Variants in PPP1R12B observed in about 807,000 individuals in gnomAD.
PPP1R12B encodes myosin phosphatase target subunit 2.
Under a neutral mutation model 126.1 loss-of-function variants are expected in PPP1R12B, and 76 were observed. That is an observed-to-expected ratio of 0.60 (90% CI 0.50 to 0.73). The LOEUF is 0.73. Among genes scored for constraint, PPP1R12B ranks in the 30% least tolerant of loss-of-function variants. The probability of loss-of-function intolerance (pLI) is 0.00; values close to 1 mark genes in which losing one functional copy is unlikely to be tolerated. For missense variants in PPP1R12B, 1,052 were observed against 1,205.1 expected, an observed-to-expected ratio of 0.87 and a Z score of 1.88; for synonymous variants, 356 against 434.7, an observed-to-expected ratio of 0.82 and a Z score of 2.25.
Position 202,558,671 on chromosome 1 carries a change from A to G in PPP1R12B, c.2491-206A>G, listed in dbSNP as rs1687204562. ...CAAATCTAGTGAATCATGGCATGCA[A>G]AGAAGTGTGAACTAGGGCTAAGTCA... On this transcript the variant is annotated intron_variant, in intron 18 of 23. Transcript: ENST00000608999. 9.9e-6 allele frequency: 5 copies of G among 505,446 alleles called. No homozygotes were observed. The South Asian group carries it at 1.5e-4, about 15-fold the overall frequency. The allele number at this position is 505,446 out of a possible 1,614,324, so 31.3% of individuals were successfully genotyped here.
chr1:202,411,744 A>G (rs1667425349), intron 1 of PPP1R12B, among the ~76,000 whole-genome samples: 1 of 152,178 alleles, frequency 6.6e-6, no homozygotes, highest in African/African-American at 2.4e-5. Flanking sequence ...ATGAGTACAT[A>G]TGCTTATAGT....
intron 19 of PPP1R12B, among the ~76,000 whole-genome samples, chr1:202,561,017 A>G (rs1687467277): frequency 6.6e-6 from 1 of 151,686 alleles, no homozygotes; most frequent in Non-Finnish European, 1.5e-5. Flanking sequence ...TATAATAATA[A>G]AAAAATAAAA....
intron 18 of PPP1R12B, among the ~76,000 whole-genome samples, chr1:202,555,846 C>T (rs971499660): frequency 1.3e-5 from 2 of 151,710 alleles, no homozygotes; most frequent in African/African-American, 4.8e-5. Context: ...TAACTTGGTA[C>T]TCTAACCAGC....
chr1:202,414,189 T>C (rs1667773954), intron 1 of PPP1R12B, among the ~76,000 whole-genome samples: 1 of 152,248 alleles, frequency 6.6e-6, no homozygotes, highest in Non-Finnish European at 1.5e-5. Context: ...CCCAAAGTGC[T>C]GGGATTACAG....
Position 202,496,678 on chromosome 1 carries a change from T to C in PPP1R12B, c.2449-103T>C, listed in dbSNP as rs1679591770. The C allele has an allele frequency of 4.1e-6, 4 of 984,568 alleles. No individual in the cohort carries two copies. In the African/African-American group the frequency reaches 4.9e-5, roughly 12 times the overall value. 61.0% of individuals were successfully genotyped at this position (984,568 alleles called of 1,614,324 possible). On this transcript the variant is annotated intron_variant, in intron 17 of 23. Transcript: ENST00000608999. ...CTTGGAAGTCAATTCTCATTGCCCA[T>C]GTTTGAAATGCCAAGATGCATAATT...
At chr1:202,549,532 G>A (rs1248786505) in intron 18 of PPP1R12B, among the ~76,000 whole-genome samples, 1 of 149,944 alleles carries the variant, frequency 6.7e-6, no homozygotes, top group Non-Finnish European at 1.5e-5. Context: ...CCATTCTCCT[G>A]CCTCAGCCTC....
Position 202,433,941 on chromosome 1 carries a change from T to C in PPP1R12B, c.1142-715T>C, listed in dbSNP as rs980687914. Among the ~76,000 whole-genome samples, 14 of 152,222 alleles carry C rather than the reference T, an allele frequency of 9.2e-5. No homozygotes were observed. The South Asian group carries it at 2.7e-3, about 29-fold the overall frequency. Reference sequence around the variant, plus strand: ...GGTACATAACAGGCATTCACATTCATTAAATGTTTTTTGTTGAATATATCC... The same window carrying C: ...GGTACATAACAGGCATTCACATTCACTAAATGTTTTTTGTTGAATATATCC... On this transcript the variant is annotated intron_variant, in intron 8 of 23. Coordinates refer to ENST00000608999, the MANE Select transcript of PPP1R12B (RefSeq NM_002481.4).
chr1:202,448,868 ACAAAAT>A (rs1308860533), intron 12 of PPP1R12B, 115 bp from the exon 13 acceptor site: 14 of 1,094,964 alleles, frequency 1.3e-5, no homozygotes, highest in Non-Finnish European at 1.8e-5. Flanking sequence ...AAACCAACAA[ACAAAAT>A]CAGAGCGAGA....
intron 1 of PPP1R12B, among the ~76,000 whole-genome samples, chr1:202,389,658 G>A (rs560548491): frequency 2.6e-5 from 4 of 152,022 alleles, no homozygotes; most frequent in South Asian, 4.2e-4. Context: ...CACATGGAAG[G>A]CCGGGCGAGG....
At chr1:202,475,162 T>C (rs749141024) in intron 13 of PPP1R12B, among the ~76,000 whole-genome samples, 1 of 152,194 alleles carries the variant, frequency 6.6e-6, no homozygotes, top group African/African-American at 2.4e-5. Context: ...TTCTTTCTAT[T>C]GTACCATAGT....
chr1:202,372,102 C>G (rs891535385), intron 1 of PPP1R12B, among the ~76,000 whole-genome samples: 185 of 152,160 alleles, frequency 1.2e-3, no homozygotes, highest in Admixed American at 2.1e-3. Flanking sequence ...AACTCCTGAC[C>G]TCAGGTGATC....
In PPP1R12B at chr1:202,440,759, C is replaced by T; in HGVS notation, c.1512C>T (p.Ser504=). 2 of 1,613,898 alleles carry T rather than the reference C, an allele frequency of 1.2e-6. No homozygotes were observed. Among genetic ancestry groups the T allele is most frequent in the African/African-American group, 1.3e-5 (1 of 75,028 alleles). Residue 504 remains serine (S), a synonymous_variant, in exon 11 of 24, where the codon AGC becomes AGT. Coordinates refer to ENST00000608999, the MANE Select transcript of PPP1R12B (RefSeq NM_002481.4). The part of the protein sequence containing the change: ...ISSLAPRKLN[S]TSDIEEKENR... ...CACTAGCACCCCGGAAGCTCAACAG[C>T]ACAAGTGATATTGAAGAAAAGGAGA...
chr1:202,493,097 T>A lies in PPP1R12B; in HGVS notation c.1942-17T>A. 4 of 1,608,098 alleles carry A rather than the reference T, an allele frequency of 2.5e-6. No homozygotes were observed. The highest frequency in any genetic ancestry group is 3.4e-6 in the Non-Finnish European group (4 of 1,176,368). On this transcript the variant is annotated splice_polypyrimidine_tract_variant and intron_variant, in intron 14 of 23. Coordinates refer to ENST00000608999, the MANE Select transcript of PPP1R12B (RefSeq NM_002481.4). ...TGGTTAGTGTGAAACAGCCCTGATC[T>A]TGTGATATTTTCCCAGGGTGTCACC...
chr1:202,386,059 T>G (rs576479609), intron 1 of PPP1R12B, among the ~76,000 whole-genome samples: 19 of 148,824 alleles, frequency 1.3e-4, no homozygotes, highest in Non-Finnish European at 2.5e-4. Context: ...TCAGCCTCCC[T>G]AGTAGCTGGG....
intron 13 of PPP1R12B, among the ~76,000 whole-genome samples, chr1:202,478,041 G>A (rs1332308627): frequency 6.6e-6 from 1 of 152,186 alleles, no homozygotes; most frequent in Non-Finnish European, 1.5e-5. Context: ...GACTGTATCT[G>A]TCTTCTTTGC....
intron 1 of PPP1R12B, among the ~76,000 whole-genome samples, chr1:202,378,247 CTTTTTT>C (rs386369339): frequency 2.7e-4 from 25 of 93,386 alleles, no homozygotes; most frequent in South Asian, 8.5e-4. Context: ...TGTCTTCATT[CTTTTTT>C]TTTTTTTTTT....
intron 13 of PPP1R12B, among the ~76,000 whole-genome samples, chr1:202,477,836 A>G (rs1378272220): frequency 6.6e-6 from 1 of 152,236 alleles, no homozygotes; most frequent in Non-Finnish European, 1.5e-5. Flanking sequence ...TCAATATCAT[A>G]CCAAATACAA....
chr1:202,425,400 A>G (rs1669371068), intron 3 of PPP1R12B, among the ~76,000 whole-genome samples, 166 bp from the exon 4 acceptor site: 1 of 152,240 alleles, frequency 6.6e-6, no homozygotes, highest in South Asian at 2.1e-4. Context: ...GACCATTAAT[A>G]TGTGTACAAA....
At chr1:202,563,498 A>T (rs1687732491) in intron 20 of PPP1R12B, among the ~76,000 whole-genome samples, 1 of 151,706 alleles carries the variant, frequency 6.6e-6, no homozygotes. Flanking sequence ...TTAAGAATAT[A>T]AAAAGGGTGA....
Sources: allele counts gnomAD v4.1 joint callset (sites outside exome capture counted in the v4.1 genomes callset), GRCh38; gene constraint gnomAD v4.1.1; transcripts MANE v1.5; gene names NCBI Gene and HGNC (gene_info 2026-07-23, HGNC 2026-07-21).